Variants in CA10 observed in about 807,000 individuals in gnomAD.
CA10 encodes carbonic anhydrase 10 (inactive).
A neutral mutation model predicts 44.2 loss-of-function variants in CA10; 14 were observed. The ratio of observed to expected loss-of-function variants is 0.32; its 90% CI spans 0.21 to 0.50. The LOEUF is 0.50. CA10 is among the 20% of genes least tolerant of loss of function. The pLI is 0.99. For missense variants in CA10, 350 were observed against 409.7 expected (o/e 0.85, Z 1.26); for synonymous variants, 159 against 141.6 (o/e 1.12, Z -0.87).
intron 2 of CA10, among the ~76,000 whole-genome samples, chr17:52,037,675 A>C (rs1380192318): frequency 6.6e-6 from 1 of 152,146 alleles, no homozygotes; most frequent in Non-Finnish European, 1.5e-5. Flanking sequence ...TGTGATCCCC[A>C]GATGACACTA....
chr17:51,655,229 C>A (rs1913745118), intron 4 of CA10, among the ~76,000 whole-genome samples: 1 of 152,152 alleles, frequency 6.6e-6, no homozygotes, highest in Non-Finnish European at 1.5e-5. Context: ...CATATTTAAC[C>A]ATCTTCTCGC....
intron 4 of CA10, among the ~76,000 whole-genome samples, chr17:51,744,314 CAA>C (rs35791301): frequency 2.4e-3 from 270 of 113,012 alleles, no homozygotes; most frequent in African/African-American, 7.6e-3. Flanking sequence ...GACTCCATCT[CAA>C]AAAAAAAAAA....
chr17:51,942,136 G>A (rs1371872066), intron 2 of CA10, among the ~76,000 whole-genome samples: 1 of 152,064 alleles, frequency 6.6e-6, no homozygotes, highest in East Asian at 1.9e-4. Context: ...CTTCACATTT[G>A]TGTAATTCTA....
At chr17:51,660,765 C>G (rs944428188) in intron 4 of CA10, among the ~76,000 whole-genome samples, 1 of 152,148 alleles carries the variant, frequency 6.6e-6, no homozygotes, top group Admixed American at 6.5e-5. Context: ...AGTGGCTTCC[C>G]CTTGCCTGTA....
intron 8 of CA10, among the ~76,000 whole-genome samples, chr17:51,633,020 A>G (rs1912654261): frequency 6.6e-6 from 1 of 152,210 alleles, no homozygotes; most frequent in Non-Finnish European, 1.5e-5. Flanking sequence ...TTTCTTCCAT[A>G]TACTTAAAAG....
chr17:51,882,690 GC>G (rs1980429018), intron 3 of CA10, among the ~76,000 whole-genome samples: 1 of 152,086 alleles, frequency 6.6e-6, no homozygotes, highest in African/African-American at 2.4e-5. Flanking sequence ...GGCTCTCTGT[GC>G]TCAGCTCTCT....
intron 4 of CA10, among the ~76,000 whole-genome samples, chr17:51,679,648 C>A (rs1337420420): frequency 5.3e-5 from 8 of 151,874 alleles, no homozygotes; most frequent in Admixed American, 1.3e-4. Flanking sequence ...CAACCTCCAA[C>A]CCCTGGGTTG....
chr17:52,125,525 T>C (rs936327795), intron 1 of CA10, among the ~76,000 whole-genome samples: 1 of 152,198 alleles, frequency 6.6e-6, no homozygotes, highest in African/African-American at 2.4e-5. Flanking sequence ...GGCGGATCTC[T>C]AGAGGTGCCT....
At chr17:51,754,369 C>T (rs1417909687) in intron 3 of CA10, among the ~76,000 whole-genome samples, 1 of 139,986 alleles carries the variant, frequency 7.1e-6, no homozygotes, top group Non-Finnish European at 1.5e-5. Flanking sequence ...AACACATGCG[C>T]ACACACACAT....
chr17:52,046,694 A>G (rs983731431), intron 2 of CA10, among the ~76,000 whole-genome samples: 1 of 151,892 alleles, frequency 6.6e-6, no homozygotes, highest in Admixed American at 6.6e-5. Context: ...CCAGACACAG[A>G]ATCACCTTGA....
intron 1 of CA10, among the ~76,000 whole-genome samples, chr17:52,137,243 C>T (rs1054240393): frequency 1.3e-5 from 2 of 152,016 alleles, no homozygotes; most frequent in Non-Finnish European, 2.9e-5. Context: ...GGTCATATTT[C>T]CTAAGCCTCA....
chr17:52,142,447 TA>T (rs1455940504), intron 1 of CA10, among the ~76,000 whole-genome samples: 1 of 152,210 alleles, frequency 6.6e-6, no homozygotes, highest in Non-Finnish European at 1.5e-5. Context: ...GATAATACTG[TA>T]CTAAATGCTT....
At chr17:51,924,850 T>G (rs565426478) in intron 3 of CA10, among the ~76,000 whole-genome samples, 1 of 152,296 alleles carries the variant, frequency 6.6e-6, no homozygotes, top group South Asian at 2.1e-4. Context: ...GTTCCATGTC[T>G]CTTGCTGAGA....
At chr17:51,981,601 A>G (rs1233389422) in intron 2 of CA10, among the ~76,000 whole-genome samples, 1 of 151,994 alleles carries the variant, frequency 6.6e-6, no homozygotes, top group Non-Finnish European at 1.5e-5. Flanking sequence ...TTACATAGAC[A>G]TTTACACTTG....
chr17:51,905,975 C>T (rs1017388837), intron 3 of CA10, among the ~76,000 whole-genome samples: 1 of 152,132 alleles, frequency 6.6e-6, no homozygotes, highest in Admixed American at 6.6e-5. Flanking sequence ...GTCCCTTCAC[C>T]TGCTGGTGGC....
intron 2 of CA10, among the ~76,000 whole-genome samples, chr17:52,032,823 A>G (rs1246014407): frequency 1.3e-5 from 2 of 152,202 alleles, no homozygotes; most frequent in African/African-American, 4.8e-5. Flanking sequence ...ATATACTCCA[A>G]TAAAGCCTAT....
intron 1 of CA10, among the ~76,000 whole-genome samples, chr17:52,095,705 G>C (rs1025652869): frequency 6.6e-6 from 1 of 152,150 alleles, no homozygotes; most frequent in Non-Finnish European, 1.5e-5. Context: ...AAGCACACAC[G>C]AATTCAATAC....
At chr17:52,034,092 C>T (rs1381958123) in intron 2 of CA10, among the ~76,000 whole-genome samples, 3 of 152,180 alleles carry the variant, frequency 2.0e-5, no homozygotes, top group Non-Finnish European at 2.9e-5. Flanking sequence ...TTGGAATATA[C>T]AAGTCCTAGA....
At chr17:51,782,237 C>T (rs1906091394) in intron 3 of CA10, among the ~76,000 whole-genome samples, 2 of 152,160 alleles carry the variant, frequency 1.3e-5, no homozygotes, top group African/African-American at 4.8e-5. Flanking sequence ...TGGGAATCAC[C>T]AATCTTTTGT....
Sources: allele counts gnomAD v4.1 joint callset (sites outside exome capture counted in the v4.1 genomes callset), GRCh38; gene constraint gnomAD v4.1.1; transcripts MANE v1.5; gene names NCBI Gene and HGNC (gene_info 2026-07-23, HGNC 2026-07-21).